GABRG3: variants seen among roughly 807,000 people sequenced by gnomAD.
GABRG3 encodes the protein gamma-aminobutyric acid type A receptor subunit gamma3.
A neutral mutation model predicts 48.8 loss-of-function variants in GABRG3; 25 were observed. That is an observed-to-expected ratio of 0.51 (90% CI 0.37 to 0.72). GABRG3 has a LOEUF of 0.72. Ranked by LOEUF, GABRG3 falls within the 30% of genes least tolerant of loss-of-function variation. GABRG3 has a pLI of 0.00. For synonymous variants in GABRG3, 227 were observed against 217.6 expected, an observed-to-expected ratio of 1.04 and a Z score of -0.38; for missense variants, 394 against 577.9, an observed-to-expected ratio of 0.68 and a Z score of 3.26.
At chr15:27,431,916 T>C (rs77999513) in intron 5 of GABRG3, among the ~76,000 whole-genome samples, 6,794 of 152,280 alleles carry the variant, frequency 0.045, 176 homozygotes, top group Middle Eastern at 0.11. Context: ...TCTTTAGGAG[T>C]GTAGTATTTA....
At chr15:27,141,257 T>C (rs976762847) in intron 3 of GABRG3, among the ~76,000 whole-genome samples, 1 of 151,866 alleles carries the variant, frequency 6.6e-6, no homozygotes, top group Non-Finnish European at 1.5e-5. Flanking sequence ...GAAAAGACAG[T>C]AAGATATCTC....
chr15:27,286,781 G>T (rs1387115323), intron 3 of GABRG3, among the ~76,000 whole-genome samples: 2 of 152,186 alleles, frequency 1.3e-5, no homozygotes, highest in East Asian at 3.8e-4. Context: ...ACAGAAACAT[G>T]TTATAATTCT....
chr15:27,193,084 C>T (rs1888377658), intron 3 of GABRG3, among the ~76,000 whole-genome samples: 1 of 152,182 alleles, frequency 6.6e-6, no homozygotes, highest in Admixed American at 6.5e-5. Context: ...GAAGTTTTGT[C>T]TCAGAGGAGT....
chr15:27,275,413 A>G (rs1413110425), intron 3 of GABRG3, among the ~76,000 whole-genome samples: 2 of 152,212 alleles, frequency 1.3e-5, no homozygotes, highest in Non-Finnish European at 2.9e-5. Flanking sequence ...GTAAAATAAC[A>G]ATATTTTTAG....
intron 5 of GABRG3, among the ~76,000 whole-genome samples, chr15:27,394,850 A>AT (rs905608189): frequency 1.3e-4 from 20 of 151,120 alleles, no homozygotes; most frequent in East Asian, 3.9e-4. Flanking sequence ...GTACTATGAG[A>AT]TTTTTTTTTC....
chr15:27,467,202 G>T (rs1281162142), intron 5 of GABRG3, among the ~76,000 whole-genome samples: 1 of 152,036 alleles, frequency 6.6e-6, no homozygotes, highest in African/African-American at 2.4e-5. Context: ...TCACACGGAG[G>T]GAGAAACATC....
chr15:27,537,329 A>G lies in GABRG3; in HGVS notation c.*4448A>G, dbSNP rs1026653407. On this transcript the variant is annotated 3_prime_UTR_variant, in exon 10 of 10. Transcript: ENST00000615808. ...ACATTGGAAATGTTAAATTTACAAT[A>G]TTCTCCTGAGCCCCCTTCCAATTTC... 5.9e-5 allele frequency: 9 copies of G among 152,218 alleles called. No homozygotes were observed. The highest frequency in any genetic ancestry group is 1.0e-4 in the Non-Finnish European group (7 of 68,044). 9.4% of individuals were successfully genotyped at this position (152,218 alleles called of 1,614,324 possible). A position where few individuals can be genotyped will look rare whatever the true frequency, so the allele number is the denominator to read the frequency against.
intron 5 of GABRG3, among the ~76,000 whole-genome samples, chr15:27,469,745 C>A (rs1399758786): frequency 6.6e-6 from 1 of 152,182 alleles, no homozygotes; most frequent in Non-Finnish European, 1.5e-5. Context: ...TGACTATATT[C>A]TCATGGTGTC....
intron 3 of GABRG3, among the ~76,000 whole-genome samples, chr15:27,089,283 A>G (rs1407366847): frequency 6.6e-6 from 1 of 152,106 alleles, no homozygotes; most frequent in Non-Finnish European, 1.5e-5. Context: ...ATTGGAGAGG[A>G]CAGCTCGTCT....
At chr15:27,191,553 T>G (rs1399746702) in intron 3 of GABRG3, among the ~76,000 whole-genome samples, 1 of 152,188 alleles carries the variant, frequency 6.6e-6, no homozygotes, top group East Asian at 1.9e-4. Context: ...ACCCCTGCCT[T>G]TTTTTGTTTT....
intron 3 of GABRG3, among the ~76,000 whole-genome samples, chr15:27,099,132 G>T (rs992343364): frequency 3.9e-5 from 6 of 152,330 alleles, no homozygotes; most frequent in Non-Finnish European, 8.8e-5. Context: ...GGCAAAATAT[G>T]TAGTATGCAG....
chr15:27,001,578 C>T (rs112679648), intron 2 of GABRG3, among the ~76,000 whole-genome samples: 22 of 152,194 alleles, frequency 1.4e-4, no homozygotes. Context: ...AGCAGGAGGA[C>T]TTACTTGCTT....
chr15:27,088,045 C>CTTTTTTGTGTGTGGTG (rs1193218420), intron 3 of GABRG3, among the ~76,000 whole-genome samples: 1 of 142,532 alleles, frequency 7.0e-6, no homozygotes, highest in Non-Finnish European at 1.5e-5. Flanking sequence ...GTGTGATATG[C>CTTTTTTGTGTGTGGTG]TGTGGTGTTT....
At chr15:27,192,341 C>T (rs1486525980) in intron 3 of GABRG3, among the ~76,000 whole-genome samples, 2 of 152,214 alleles carry the variant, frequency 1.3e-5, no homozygotes, top group Non-Finnish European at 2.9e-5. Context: ...GTTCCATTCT[C>T]CCTGTCACTT....
chr15:26,990,632 G>A (rs1455500731), intron 2 of GABRG3, among the ~76,000 whole-genome samples: 1 of 151,952 alleles, frequency 6.6e-6, no homozygotes, highest in African/African-American at 2.4e-5. Flanking sequence ...GCTTTTTAAT[G>A]TGACGTGATC....
chr15:27,306,683 T>TAAACATATATTTATATATAAACATATAC (rs1892501890), intron 3 of GABRG3, among the ~76,000 whole-genome samples: 1 of 77,892 alleles, frequency 1.3e-5, no homozygotes, highest in African/African-American at 5.0e-5. Flanking sequence ...TAAACATATA[T>TAAACATATATTTATATATAAACATATAC]ATGAACATGT....
At chr15:27,367,656 A>G (rs1191064847) in intron 5 of GABRG3, among the ~76,000 whole-genome samples, 1 of 152,170 alleles carries the variant, frequency 6.6e-6, no homozygotes, top group Non-Finnish European at 1.5e-5. Context: ...GTATCTGTAC[A>G]TATTAAAGTG....
chr15:27,089,694 C>G (rs957692279), intron 3 of GABRG3, among the ~76,000 whole-genome samples: 1 of 152,122 alleles, frequency 6.6e-6, no homozygotes, highest in South Asian at 2.1e-4. Context: ...TGTGGTCATG[C>G]GAAGGGAGGA....
chr15:27,307,429 TTATATATTTATATATAAACA>T (rs1452363280), intron 3 of GABRG3, among the ~76,000 whole-genome samples: 18 of 81,058 alleles, frequency 2.2e-4, no homozygotes, highest in African/African-American at 4.0e-4. Context: ...ACATATAGGT[TTATATATTTATATATAAACA>T]TATAGGTTTA....
Sources: gnomAD v4.1 joint callset for allele counts (sites outside exome capture counted in the v4.1 genomes callset) on GRCh38, gnomAD v4.1.1 for gene constraint, MANE v1.5 for transcripts, NCBI Gene and HGNC (gene_info 2026-07-23, HGNC 2026-07-21) for gene names.